ABCC4: variants seen among roughly 807,000 people sequenced by gnomAD.
ABCC4 encodes ATP-binding cassette sub-family C member 4.
A neutral mutation model predicts 168.5 loss-of-function variants in ABCC4; 102 were observed. The observed-to-expected ratio is 0.61, with a 90% CI of 0.52 to 0.71. The LOEUF (loss-of-function observed/expected upper bound fraction) is 0.71. Ranked by LOEUF, ABCC4 falls within the 30% of genes least tolerant of loss-of-function variation. ABCC4 has a pLI of 0.00. For missense variants in ABCC4, 1,402 were observed against 1,605.8 expected, an observed-to-expected ratio of 0.87 and a Z score of 2.17; for synonymous variants, 617 against 590.7, an observed-to-expected ratio of 1.04 and a Z score of -0.65.
chr13:95,290,164 T>A (rs2041362132), intron 1 of ABCC4, among the ~76,000 whole-genome samples: 1 of 146,938 alleles, frequency 6.8e-6, no homozygotes, highest in South Asian at 2.2e-4. Context: ...GATAGATAGA[T>A]GCGTGGATCC....
chr13:95,094,798 T>A (rs923613578), intron 20 of ABCC4, among the ~76,000 whole-genome samples: 2 of 145,734 alleles, frequency 1.4e-5, no homozygotes, highest in Non-Finnish European at 3.0e-5. Flanking sequence ...ATATCCAGAG[T>A]CTACAATGAA....
At position 95,082,969 on chromosome 13, in the gene ABCC4, TC is replaced by T. The variant is rs1291761904; in HGVS notation, c.2686+170del. ...AAGTTGCACGTTGCAGGCTATCAAT[TC>T]CACATGCTCTAAGGGACACAATGAT... On this transcript the variant is annotated intron_variant, in intron 21 of 30. Coordinates refer to ENST00000645237, the MANE Select transcript of ABCC4 (RefSeq NM_005845.5). 8.5e-5 allele frequency among the ~76,000 whole-genome samples: 13 copies of T among 152,284 alleles called. No individual in the cohort carries two copies. In the East Asian group the frequency reaches 2.5e-3, roughly 29 times the overall value.
chr13:95,220,086 G>A (rs375896488), intron 4 of ABCC4, among the ~76,000 whole-genome samples: 59 of 151,110 alleles, frequency 3.9e-4, no homozygotes, highest in African/African-American at 1.4e-3. Context: ...GGCTGGTCTC[G>A]AAATCCTGAC....
At chr13:95,105,819 A>G (rs1002925221) in intron 20 of ABCC4, among the ~76,000 whole-genome samples, 1 of 152,194 alleles carries the variant, frequency 6.6e-6, no homozygotes, top group African/African-American at 2.4e-5. Flanking sequence ...GATGATGATG[A>G]TAACAGCAAG....
chr13:95,232,128 A>ATGG (rs56881654), intron 4 of ABCC4, among the ~76,000 whole-genome samples: 5,822 of 135,370 alleles, frequency 0.043, 221 homozygotes, highest in African/African-American at 0.097. Flanking sequence ...GCTGATGATG[A>ATGG]TGGTGGTGGT....
At chr13:95,239,181 T>TA (rs1251947481) in intron 3 of ABCC4, among the ~76,000 whole-genome samples, 4 of 148,638 alleles carry the variant, frequency 2.7e-5, no homozygotes, top group South Asian at 4.2e-4. Context: ...AAAAAAAATT[T>TA]AAATTATTTT....
chr13:95,264,866 T>C (rs1248530303), intron 1 of ABCC4, among the ~76,000 whole-genome samples: 1 of 7,508 alleles, frequency 1.3e-4, no homozygotes. Flanking sequence ...ACAATCCACT[T>C]TTTTTTTTTT....
intron 29 of ABCC4, among the ~76,000 whole-genome samples, chr13:95,036,516 G>GA (rs34945326): frequency 3.3e-4 from 47 of 141,892 alleles, no homozygotes; most frequent in East Asian, 8.2e-4. Flanking sequence ...GGCAGAGCCA[G>GA]AAAAAAAAAA....
At position 95,286,363 on chromosome 13, in the gene ABCC4, G is replaced by A. The variant is rs1315930060; in HGVS notation, c.74+14878C>T. ...TCCAACTCCTGACCTCAGGTGATCCGCCTGCCTCGGCCTCCCAAAGTGCTG... is the reference window on the plus strand; with the variant it reads ...TCCAACTCCTGACCTCAGGTGATCCACCTGCCTCGGCCTCCCAAAGTGCTG... On this transcript the variant is annotated intron_variant, in intron 1 of 30. Transcript: ENST00000645237. 3.3e-5 allele frequency among the ~76,000 whole-genome samples: 5 copies of A among 151,716 alleles called. No individual in the cohort carries two copies. In the South Asian group the frequency reaches 6.2e-4, roughly 19 times the overall value.
chr13:95,282,518 G>A lies in ABCC4; in HGVS notation c.74+18723C>T, dbSNP rs2041150476. Among the ~76,000 whole-genome samples the A allele has an allele frequency of 2.0e-5, 3 of 151,874 alleles. No individual in the cohort carries two copies. The South Asian group carries it at 6.2e-4, about 32-fold the overall frequency. On this transcript the variant is annotated intron_variant, in intron 1 of 30. Transcript: ENST00000645237. ...TTTCTTGAAACTTTTACTAAAGTATGTTTTTCTTTTATTTTTTTATTTTTT... is the reference window on the plus strand; with the variant it reads ...TTTCTTGAAACTTTTACTAAAGTATATTTTTCTTTTATTTTTTTATTTTTT...
At chr13:95,278,172 A>C (rs1329865854) in intron 1 of ABCC4, among the ~76,000 whole-genome samples, 1 of 152,212 alleles carries the variant, frequency 6.6e-6, no homozygotes, top group Non-Finnish European at 1.5e-5. Context: ...GGTTTTTACC[A>C]ATCATTACTT....
chr13:95,120,454 G>T (rs927369398), intron 19 of ABCC4, among the ~76,000 whole-genome samples: 2 of 151,064 alleles, frequency 1.3e-5, no homozygotes, highest in Non-Finnish European at 2.9e-5. Flanking sequence ...TTAATCCCAG[G>T]TACATGGGAA....
chr13:95,196,656 G>GA (rs2038448150), intron 8 of ABCC4, among the ~76,000 whole-genome samples: 3 of 30,510 alleles, frequency 9.8e-5, no homozygotes, highest in Admixed American at 3.9e-4. Context: ...AAGGAAGGAA[G>GA]GAAGGAAGGA....
intron 30 of ABCC4, among the ~76,000 whole-genome samples, chr13:95,026,441 T>G (rs1217158673): frequency 6.6e-6 from 1 of 151,958 alleles, no homozygotes; most frequent in East Asian, 1.9e-4. Context: ...AACATATACA[T>G]GATAGATATT....
intron 29 of ABCC4, 163 bp downstream of exon 29, chr13:95,043,519 C>T (rs1593995675): frequency 1.8e-6 from 1 of 541,060 alleles, no homozygotes. Flanking sequence ...TTGTTAGTAG[C>T]ACTGAGGGTG....
At chr13:95,195,265 T>C (rs1036578117) in intron 8 of ABCC4, among the ~76,000 whole-genome samples, 1 of 152,226 alleles carries the variant, frequency 6.6e-6, no homozygotes, top group Non-Finnish European at 1.5e-5. Flanking sequence ...ACTGTTGTAC[T>C]TTTGTGTTAC....
intron 1 of ABCC4, among the ~76,000 whole-genome samples, chr13:95,296,328 A>G (rs547116163): frequency 8.4e-6 from 1 of 119,048 alleles, no homozygotes; most frequent in Non-Finnish European, 2.2e-5. Context: ...TACAAGAAAA[A>G]TATTTTTTTT....
chr13:95,170,671 G>A (rs2037438395), intron 13 of ABCC4, 43 bp from the exon 14 acceptor site: 1 of 1,196,420 alleles, frequency 8.4e-7, no homozygotes, highest in Non-Finnish European at 1.2e-6. Context: ...GCATGAATGG[G>A]GTGCTCCACA....
chr13:95,233,592 T>C (rs1411280245), intron 4 of ABCC4, among the ~76,000 whole-genome samples: 1 of 151,854 alleles, frequency 6.6e-6, no homozygotes, highest in Non-Finnish European at 1.5e-5. Flanking sequence ...AACCCAAACC[T>C]CAGCATCACA....
Sources: gnomAD v4.1 joint callset for allele counts (sites outside exome capture counted in the v4.1 genomes callset) on GRCh38, gnomAD v4.1.1 for gene constraint, MANE v1.5 for transcripts, NCBI Gene and HGNC (gene_info 2026-07-23, HGNC 2026-07-21) for gene names.